Variants in PPIL4 observed in about 807,000 individuals in gnomAD.
The protein encoded by PPIL4 is peptidylprolyl isomerase like 4.
PPIL4 carries 50 observed loss-of-function variants against 69.1 expected under a neutral mutation model. That is an observed-to-expected ratio of 0.72 (90% CI 0.58 to 0.92). The LOEUF (loss-of-function observed/expected upper bound fraction) is 0.92, where lower values mean the gene tolerates loss of function less well. PPIL4 is among the 40% of genes least tolerant of loss of function. The pLI is 0.00. For missense variants in PPIL4, 480 were observed against 587.9 expected, an observed-to-expected ratio of 0.82 and a Z score of 1.90; for synonymous variants, 193 against 191.6, an observed-to-expected ratio of 1.01 and a Z score of -0.06.
chr6:149,537,935 G>GCT (rs1777301782), intron 4 of PPIL4, among the ~76,000 whole-genome samples: 1 of 152,092 alleles, frequency 6.6e-6, no homozygotes, highest in South Asian at 2.1e-4. Context: ...TCACCCAGGA[G>GCT]CTCTGATGGA....
chr6:149,530,853 T>C (rs1287239354), intron 7 of PPIL4, among the ~76,000 whole-genome samples: 2 of 152,028 alleles, frequency 1.3e-5, no homozygotes, highest in Non-Finnish European at 2.9e-5. Flanking sequence ...AACAAGACAT[T>C]TGAAAGATCT....
chr6:149,515,858 T>A (rs2115029562), intron 11 of PPIL4, among the ~76,000 whole-genome samples: 1 of 152,306 alleles, frequency 6.6e-6, no homozygotes, highest in South Asian at 2.1e-4. Context: ...TTGGGCCAAG[T>A]TATTTCCTTC....
intron 7 of PPIL4, among the ~76,000 whole-genome samples, chr6:149,533,230 G>A: frequency 6.6e-6 from 1 of 152,132 alleles, no homozygotes; most frequent in Non-Finnish European, 1.5e-5. Context: ...ATAAGTTAGA[G>A]ATCCACTTCC....
rs1316363634 is a variant in PPIL4 at position 149,535,694 on chromosome 6, G to C, written c.366C>G (p.Val122=). 1 of 1,610,344 alleles carries C rather than the reference G, an allele frequency of 6.2e-7. No homozygotes were observed. The highest frequency in any genetic ancestry group is 2.2e-5 in the East Asian group (1 of 44,820). Residue 122 remains valine (V), a synonymous_variant, in exon 5 of 13, where the codon GTC becomes GTG. Transcript: ENST00000253329. Reference sequence around the variant, plus strand: ...CTGTCACCTCACCAAACACCGTATGGACACCATCAAGATAATCTAGATTTT... The same window carrying C: ...CTGTCACCTCACCAAACACCGTATGCACACCATCAAGATAATCTAGATTTT... ...TGENLDYLDG[V]HTVFGEVTEG...
chr6:149,507,858 G>C (rs941273656), intron 12 of PPIL4, among the ~76,000 whole-genome samples: 1 of 152,156 alleles, frequency 6.6e-6, no homozygotes, highest in Non-Finnish European at 1.5e-5. Flanking sequence ...CTTAAGGTTA[G>C]AATAATTAGA....
At chr6:149,540,739 C>A (rs1302760421) in intron 4 of PPIL4, among the ~76,000 whole-genome samples, 1 of 152,128 alleles carries the variant, frequency 6.6e-6, no homozygotes, top group Non-Finnish European at 1.5e-5. Flanking sequence ...TCTGTATTTT[C>A]TCAATTCTTC....
intron 7 of PPIL4, among the ~76,000 whole-genome samples, chr6:149,527,671 C>T (rs1402704952): frequency 6.6e-6 from 1 of 152,072 alleles, no homozygotes; most frequent in Non-Finnish European, 1.5e-5. Flanking sequence ...CAACAAATAC[C>T]CTGCTTTTTG....
intron 1 of PPIL4, among the ~76,000 whole-genome samples, chr6:149,542,877 A>C (rs988039589): frequency 2.0e-5 from 3 of 152,238 alleles, no homozygotes; most frequent in Non-Finnish European, 4.4e-5. Flanking sequence ...GTCTGGTATT[A>C]CACAGTAATA....
intron 5 of PPIL4, 53 bp from the exon 6 acceptor site, chr6:149,534,827 C>A: frequency 1.8e-6 from 2 of 1,099,340 alleles, no homozygotes. Context: ...TTTCAGAATC[C>A]TATTTTATTT....
chr6:149,532,927 G>A (rs1354821540), intron 7 of PPIL4, among the ~76,000 whole-genome samples: 1 of 152,108 alleles, frequency 6.6e-6, no homozygotes, highest in Non-Finnish European at 1.5e-5. Flanking sequence ...TCTATGATAT[G>A]ACAGGTATGC....
intron 10 of PPIL4, among the ~76,000 whole-genome samples, chr6:149,519,963 AGACT>A (rs1777005015): frequency 6.6e-6 from 1 of 152,356 alleles, no homozygotes; most frequent in East Asian, 1.9e-4. Flanking sequence ...CCAACTTTTA[AGACT>A]GACATGCTAC....
At chr6:149,543,523 G>T (rs1474188162) in intron 1 of PPIL4, among the ~76,000 whole-genome samples, 1 of 152,108 alleles carries the variant, frequency 6.6e-6, no homozygotes, top group African/African-American at 2.4e-5. Flanking sequence ...AAGTTTAAAT[G>T]ATACTAAAAA....
At chr6:149,509,563 C>A (rs988098811) in intron 12 of PPIL4, among the ~76,000 whole-genome samples, 1 of 152,088 alleles carries the variant, frequency 6.6e-6, no homozygotes, top group Non-Finnish European at 1.5e-5. Context: ...AAGACTGATG[C>A]GACCTCAGAC....
At chr6:149,512,932 C>T (rs1776877730) in intron 11 of PPIL4, among the ~76,000 whole-genome samples, 1 of 151,586 alleles carries the variant, frequency 6.6e-6, no homozygotes, top group Non-Finnish European at 1.5e-5. Context: ...TTAGTAGAAA[C>T]GGGGCTTCCC....
intron 4 of PPIL4, among the ~76,000 whole-genome samples, chr6:149,537,377 T>C (rs1401085889): frequency 1.3e-5 from 2 of 152,120 alleles, no homozygotes; most frequent in African/African-American, 4.8e-5. Context: ...AAACCAATGC[T>C]CACTGACTAT....
At chr6:149,525,074 T>C in intron 9 of PPIL4, 69 bp downstream of exon 9, 3 of 811,734 alleles carry the variant, frequency 3.7e-6, no homozygotes, top group Non-Finnish European at 5.9e-6. Flanking sequence ...AAAAGTTCTA[T>C]AATTTTTCAC....
intron 9 of PPIL4, among the ~76,000 whole-genome samples, chr6:149,522,240 G>A (rs894747067): frequency 1.3e-5 from 2 of 152,138 alleles, no homozygotes; most frequent in African/African-American, 4.8e-5. Context: ...ACTTTTTCAG[G>A]AGGATAGTAT....
chr6:149,516,352 C>T (rs768860575), intron 11 of PPIL4, among the ~76,000 whole-genome samples: 1 of 152,150 alleles, frequency 6.6e-6, no homozygotes, highest in Non-Finnish European at 1.5e-5. Context: ...TTATCCAGTT[C>T]TAACACCTCA....
chr6:149,532,657 T>A (rs985638898), intron 7 of PPIL4, among the ~76,000 whole-genome samples: 6 of 152,064 alleles, frequency 3.9e-5, no homozygotes, highest in Non-Finnish European at 7.4e-5. Context: ...ACAAAAAAAA[T>A]TTTAAAATTA....
Sources: allele counts gnomAD v4.1 joint callset (sites outside exome capture counted in the v4.1 genomes callset), GRCh38; gene constraint gnomAD v4.1.1; transcripts MANE v1.5; gene names NCBI Gene and HGNC (gene_info 2026-07-23, HGNC 2026-07-21).